CACNG7: variants seen among roughly 807,000 people sequenced by gnomAD.
The protein encoded by CACNG7 is calcium voltage-gated channel auxiliary subunit gamma 7.
In CACNG7, 9 loss-of-function variants were observed where a neutral mutation model predicts 26.3. The observed-to-expected ratio is 0.34, with a 90% CI of 0.21 to 0.60. The LOEUF (loss-of-function observed/expected upper bound fraction) is 0.60, where lower values mean the gene tolerates loss of function less well. CACNG7 is among the 20% of genes least tolerant of loss of function. The pLI, the probability that CACNG7 is intolerant of heterozygous loss-of-function variation, is 0.81. For missense variants in CACNG7, 297 were observed against 380.4 expected (o/e 0.78, Z 1.82); for synonymous variants, 170 against 157.0 (o/e 1.08, Z -0.62).
In CACNG7 at chr19:53,942,516, T is replaced by C. The variant is rs1159564036; in HGVS notation, c.*223T>C. ...GACCTCTCCTTTTCATTGGTCCCTC[T>C]CACTCCCAAATGACTCCTCCCCTTC... On this transcript the variant is annotated 3_prime_UTR_variant, in exon 6 of 6. Transcript: ENST00000391767. The surrounding 1 kb of genome is among the most constrained non-coding windows in gnomAD (Gnocchi z 5.9). The C allele has an allele frequency of 2.3e-5, 32 of 1,412,150 alleles. No homozygotes were observed. The highest frequency in any genetic ancestry group is 2.9e-5 in the Non-Finnish European group (32 of 1,087,252). The allele number at this position is 1,412,150 out of a possible 1,614,324, so 87.5% of individuals were successfully genotyped here. A position where few individuals can be genotyped will look rare whatever the true frequency, so the allele number is the denominator to read the frequency against.
At chr19:53,936,889 A>G (rs973727619) in intron 4 of CACNG7, among the ~76,000 whole-genome samples, 1 of 151,956 alleles carries the variant, frequency 6.6e-6, no homozygotes, top group Non-Finnish European at 1.5e-5. Flanking sequence ...GATTATAGGC[A>G]TGAGCCACCG....
chr19:53,942,614 G>C lies in CACNG7; in HGVS notation c.*321G>C. The C allele has an allele frequency of 5.0e-6, 6 of 1,211,830 alleles. No homozygotes were observed. The highest frequency in any genetic ancestry group is 6.2e-6 in the Non-Finnish European group (6 of 966,372). 75.1% of individuals were successfully genotyped at this position (1,211,830 alleles called of 1,614,324 possible). On this transcript the variant is annotated 3_prime_UTR_variant, in exon 6 of 6. Coordinates refer to ENST00000391767, the MANE Select transcript of CACNG7 (RefSeq NM_031896.5). This position sits in a 1 kb window ranked among gnomAD's most constrained non-coding sequence, Gnocchi z 5.9. ...TCCTCCCTCGTTCTCCACCTGCTCT[G>C]AGCTGGGAGCAGCCAGAGGCGGTGC... is the stretch of plus-strand genomic sequence containing the variant.
At chr19:53,929,175 G>A (rs1212587306) in intron 4 of CACNG7, among the ~76,000 whole-genome samples, 1 of 151,554 alleles carries the variant, frequency 6.6e-6, no homozygotes, top group African/African-American at 2.4e-5. Context: ...AGGGACTTGG[G>A]GAAGCAAAAA....
chr19:53,934,818 T>C (rs1057415892), intron 4 of CACNG7, among the ~76,000 whole-genome samples: 13 of 151,534 alleles, frequency 8.6e-5, no homozygotes, highest in African/African-American at 2.2e-4. Flanking sequence ...GGTAATACTT[T>C]AGCATTTTGA....
intron 4 of CACNG7, among the ~76,000 whole-genome samples, chr19:53,932,041 G>A (rs1386445850): frequency 2.6e-5 from 4 of 151,434 alleles, no homozygotes; most frequent in South Asian, 2.1e-4. Context: ...GATTACAGGC[G>A]TGAGCCACTG....
chr19:53,935,806 A>G (rs1383514829), intron 4 of CACNG7, among the ~76,000 whole-genome samples: 1 of 151,442 alleles, frequency 6.6e-6, no homozygotes, highest in Non-Finnish European at 1.5e-5. Flanking sequence ...ATGCCCAGCT[A>G]ATTTTTGTAT....
intron 4 of CACNG7, among the ~76,000 whole-genome samples, chr19:53,923,893 G>C (rs1404032080): frequency 2.8e-5 from 4 of 141,522 alleles, no homozygotes; most frequent in Admixed American, 6.8e-5. Context: ...GTCATTGGTG[G>C]AGTTGCCCCA....
chr19:53,925,451 C>A (rs536697456), intron 4 of CACNG7, among the ~76,000 whole-genome samples: 4 of 130,116 alleles, frequency 3.1e-5, no homozygotes, highest in African/African-American at 1.3e-4. Flanking sequence ...GGTGGACTTG[C>A]CACAGGTATG....
chr19:53,924,192 G>A (rs991249298), intron 4 of CACNG7, among the ~76,000 whole-genome samples: 1 of 147,780 alleles, frequency 6.8e-6, no homozygotes, highest in Non-Finnish European at 1.5e-5. Context: ...CTGGTCATTG[G>A]TGGAGTTGTC....
chr19:53,916,199 G>A lies in CACNG7; in HGVS notation c.424+694G>A, dbSNP rs543066935. On this transcript the variant is annotated intron_variant, in intron 4 of 5. Transcript: ENST00000391767. ...TCACCCTACTTACGTCATCGTACAC[G>A]TGATTAGCTAGAGTTCAATATTTGT... Among the ~76,000 whole-genome samples the A allele has an allele frequency of 3.9e-5, 6 of 152,214 alleles. No individual in the cohort carries two copies. In the South Asian group the frequency reaches 8.3e-4, roughly 21 times the overall value.
intron 4 of CACNG7, among the ~76,000 whole-genome samples, chr19:53,937,189 C>G (rs944621036): frequency 5.9e-5 from 9 of 152,186 alleles, no homozygotes; most frequent in African/African-American, 2.2e-4. Flanking sequence ...GGTGCCCAGC[C>G]TCCATTATTT....
chr19:53,924,262 T>C (rs1311190295), intron 4 of CACNG7, among the ~76,000 whole-genome samples: 5 of 136,194 alleles, frequency 3.7e-5, no homozygotes, highest in African/African-American at 1.1e-4. Flanking sequence ...TTGCCCCAGG[T>C]CTGGTCATTG....
rs529100010 is a variant in CACNG7 at position 53,933,925 on chromosome 19, T to A, written c.425-7545T>A. On this transcript the variant is annotated intron_variant, in intron 4 of 5. Coordinates refer to ENST00000391767, the MANE Select transcript of CACNG7 (RefSeq NM_031896.5). ...TTATTTATTTATTTTTGATACAGAG[T>A]CTCGCTTTGTCACCCAGGCTGGAGT... is the stretch of plus-strand genomic sequence containing the variant. Among the ~76,000 whole-genome samples the A allele has an allele frequency of 2.0e-5, 3 of 152,106 alleles. No individual in the cohort carries two copies. In the East Asian group the frequency reaches 5.8e-4, roughly 29 times the overall value.
chr19:53,921,638 C>A (rs2068954576), intron 4 of CACNG7, among the ~76,000 whole-genome samples: 1 of 75,692 alleles, frequency 1.3e-5, no homozygotes, highest in Non-Finnish European at 2.4e-5. Context: ...GAGTCGTCCC[C>A]AGGTCTGGTC....
At chr19:53,923,373 CATTGGTGGAGTTGTCCCCAGGTCTGGT>C (rs1568776238) in intron 4 of CACNG7, among the ~76,000 whole-genome samples, 13 of 60,584 alleles carry the variant, frequency 2.1e-4, no homozygotes, top group African/African-American at 2.3e-4. Context: ...CAGGTCTGGT[CATTGGTGGAGTTGTCCCCAGGTCTGGT>C]ATTGGTGGAG....
intron 4 of CACNG7, among the ~76,000 whole-genome samples, chr19:53,920,763 G>C (rs1488501140): frequency 2.8e-5 from 3 of 105,298 alleles, no homozygotes; most frequent in African/African-American, 5.4e-5. Flanking sequence ...CCCAGGTCTG[G>C]TCATTGGTGG....
chr19:53,929,255 C>T (rs1364996526), intron 4 of CACNG7, among the ~76,000 whole-genome samples: 1 of 150,702 alleles, frequency 6.6e-6, no homozygotes, highest in African/African-American at 2.5e-5. Context: ...GTGACCATCC[C>T]TGATGGATGA....
Position 53,922,534 on chromosome 19 carries a change from GCTGGTCATTGGTGGAGTTGCCCCAGGT to G in CACNG7, c.424+7049_424+7075del, listed in dbSNP as rs2068970103. 1.5e-4 allele frequency among the ~76,000 whole-genome samples: 11 copies of G among 73,622 alleles called. 1 individual carries two copies. Among genetic ancestry groups the G allele is most frequent in the Admixed American group, 9.8e-4 (9 of 9,200 alleles). The allele number at this position is 73,622 out of a possible 152,430, so 48.3% of individuals were successfully genotyped here. On this transcript the variant is annotated intron_variant, in intron 4 of 5. Transcript: ENST00000391767. Reference sequence around the variant, plus strand: ...CTGGTCATTGGTGGAGTTGTCCCAGGCTGGTCATTGGTGGAGTTGCCCCAGGTCTGGTCATTGGTGGAGTTGTCCCAG... The same window carrying G: ...CTGGTCATTGGTGGAGTTGTCCCAGGCTGGTCATTGGTGGAGTTGTCCCAG...
intron 4 of CACNG7, among the ~76,000 whole-genome samples, chr19:53,920,322 T>C: frequency 8.5e-6 from 1 of 118,242 alleles, no homozygotes; most frequent in African/African-American, 4.1e-5. Flanking sequence ...TTGGTGGAGT[T>C]GCCCCAGGTC....
Sources: allele counts gnomAD v4.1 joint callset (sites outside exome capture counted in the v4.1 genomes callset), GRCh38; gene constraint gnomAD v4.1.1; non-coding constraint Gnocchi (gnomAD v3.1); transcripts MANE v1.5; gene names NCBI Gene and HGNC (gene_info 2026-07-23, HGNC 2026-07-21).